The following CTNNA2 variants were observed in gnomAD, a reference collection of about 807,000 sequenced individuals.
CTNNA2 encodes catenin alpha-2.
CTNNA2 carries 42 observed loss-of-function variants against 101.0 expected under a neutral mutation model. That is an observed-to-expected ratio of 0.42 (90% CI 0.32 to 0.54). CTNNA2 has a LOEUF of 0.54. Ranked by LOEUF, CTNNA2 falls within the 20% of genes least tolerant of loss-of-function variation. The pLI is 0.14. For missense variants in CTNNA2, 871 were observed against 1,223.1 expected, an observed-to-expected ratio of 0.71 and a Z score of 4.29; for synonymous variants, 450 against 456.4, an observed-to-expected ratio of 0.99 and a Z score of 0.18.
chr2:79,559,084 T>A (rs1462062307), intron 1 of CTNNA2, among the ~76,000 whole-genome samples: 1 of 151,922 alleles, frequency 6.6e-6, no homozygotes, highest in Non-Finnish European at 1.5e-5. Flanking sequence ...GATGAATGAA[T>A]GCTGAATAAT....
chr2:79,407,691 C>A (rs1353070635), intron 4 of CTNNA2, among the ~76,000 whole-genome samples: 1 of 151,862 alleles, frequency 6.6e-6, no homozygotes, highest in Non-Finnish European at 1.5e-5. Context: ...TAAGGATACA[C>A]CAGATAGTCA....
chr2:80,407,771 C>T (rs1254677088), intron 8 of CTNNA2, among the ~76,000 whole-genome samples: 2 of 152,164 alleles, frequency 1.3e-5, no homozygotes, highest in Non-Finnish European at 2.9e-5. Flanking sequence ...AATCATTGGG[C>T]TTCTATCTGA....
rs149033855 is a variant in CTNNA2, at chr2:79,397,535, C to G, written c.-135+23522C>G. Among the ~76,000 whole-genome samples the G allele has an allele frequency of 1.1e-3, 163 of 152,286 alleles. 1 individual carries two copies. Among genetic ancestry groups the G allele is most frequent in the African/African-American group, 3.8e-3 (159 of 41,578 alleles). ...AGCTTTTTCCCTCATCCTTTCAAAT[C>G]TGAGCATTCCTCAAGATTCATTCTT... On this transcript the variant is annotated intron_variant, in intron 4 of 21. Coordinates refer to the CTNNA2 transcript ENST00000466387.
At chr2:79,663,682 C>T (rs987358057) in intron 2 of CTNNA2, among the ~76,000 whole-genome samples, 5 of 152,104 alleles carry the variant, frequency 3.3e-5, no homozygotes, top group Non-Finnish European at 7.3e-5. Context: ...TATATGTTCT[C>T]TGTGTTTCTT....
intron 9 of CTNNA2, among the ~76,000 whole-genome samples, chr2:80,466,344 G>T (rs1025872191): frequency 6.6e-6 from 1 of 152,104 alleles, no homozygotes; most frequent in Non-Finnish European, 1.5e-5. Flanking sequence ...TACAGAGATT[G>T]TGTCATTCTA....
At chr2:79,211,898 G>A (rs577076688) in intron 2 of CTNNA2, among the ~76,000 whole-genome samples, 133 of 152,296 alleles carry the variant, frequency 8.7e-4, no homozygotes, top group African/African-American at 3.0e-3. Flanking sequence ...GGGGCGGCGC[G>A]GGAACCTAGA....
chr2:80,273,292 C>T (rs1306660006), intron 7 of CTNNA2, among the ~76,000 whole-genome samples: 1 of 152,056 alleles, frequency 6.6e-6, no homozygotes, highest in Non-Finnish European at 1.5e-5. Context: ...AAATCCAATC[C>T]AACAATAAGT....
At chr2:80,075,292 A>G (rs1031826299) in intron 7 of CTNNA2, among the ~76,000 whole-genome samples, 1 of 152,076 alleles carries the variant, frequency 6.6e-6, no homozygotes, top group Non-Finnish European at 1.5e-5. Context: ...TATACACTCT[A>G]TCTCAGCACA....
chr2:80,578,341 C>T (rs1264710933), intron 13 of CTNNA2, among the ~76,000 whole-genome samples: 2 of 152,202 alleles, frequency 1.3e-5, no homozygotes, highest in Admixed American at 6.5e-5. Context: ...TCTCTATCCT[C>T]CAGTACAGCG....
chr2:80,038,450 G>A (rs112696666), intron 7 of CTNNA2, among the ~76,000 whole-genome samples: 75 of 152,276 alleles, frequency 4.9e-4, no homozygotes, highest in African/African-American at 1.8e-3. Flanking sequence ...GCCGGGCGCG[G>A]TGACTCACGC....
intron 7 of CTNNA2, among the ~76,000 whole-genome samples, chr2:80,364,973 G>A (rs1244698983): frequency 6.6e-6 from 1 of 152,070 alleles, no homozygotes; most frequent in African/African-American, 2.4e-5. Flanking sequence ...TCGATTTAGT[G>A]GCATTGGCTA....
chr2:79,192,027 G>A (rs1264857439), intron 1 of CTNNA2, among the ~76,000 whole-genome samples: 2 of 152,058 alleles, frequency 1.3e-5, no homozygotes, highest in Admixed American at 6.6e-5. Flanking sequence ...GAGGGGATCC[G>A]GTCAAGGTGC....
intron 7 of CTNNA2, among the ~76,000 whole-genome samples, chr2:80,376,027 C>T (rs1233263339): frequency 1.3e-5 from 2 of 152,130 alleles, no homozygotes; most frequent in Non-Finnish European, 2.9e-5. Flanking sequence ...TTTGGATCCA[C>T]CACAGCACAC....
At chr2:80,234,262 C>A (rs939388739) in intron 7 of CTNNA2, among the ~76,000 whole-genome samples, 45 of 152,206 alleles carry the variant, frequency 3.0e-4, no homozygotes, top group African/African-American at 1.1e-3. Context: ...AAACTCCTGA[C>A]CTCAAGTGAT....
intron 7 of CTNNA2, among the ~76,000 whole-genome samples, chr2:80,172,200 T>C (rs1705106096): frequency 6.6e-6 from 1 of 152,228 alleles, no homozygotes. Flanking sequence ...ACATGTGTTT[T>C]TTCAGCCCAA....
chr2:79,715,827 A>G (rs1282855386), intron 2 of CTNNA2, among the ~76,000 whole-genome samples: 1 of 149,182 alleles, frequency 6.7e-6, no homozygotes, highest in Non-Finnish European at 1.5e-5. Flanking sequence ...ATCAATATAT[A>G]CTAGGATAGA....
intron 7 of CTNNA2, among the ~76,000 whole-genome samples, chr2:79,912,349 G>C (rs1225468594): frequency 6.6e-6 from 1 of 152,184 alleles, no homozygotes; most frequent in Non-Finnish European, 1.5e-5. Context: ...GATAGAAAAA[G>C]GGTCTTCATG....
At chr2:80,148,474 AG>A (rs1220821405) in intron 7 of CTNNA2, among the ~76,000 whole-genome samples, 3 of 152,230 alleles carry the variant, frequency 2.0e-5, no homozygotes, top group Non-Finnish European at 4.4e-5. Context: ...CTAGGCCTGC[AG>A]GGGCAAACTG....
chr2:80,015,199 T>C (rs1044378490), intron 7 of CTNNA2, among the ~76,000 whole-genome samples: 3 of 152,228 alleles, frequency 2.0e-5, no homozygotes, highest in African/African-American at 7.2e-5. Context: ...CTATGTGTTC[T>C]AGATGAAGCT....
Sources: gnomAD v4.1 joint callset for allele counts (sites outside exome capture counted in the v4.1 genomes callset) on GRCh38, gnomAD v4.1.1 for gene constraint, MANE v1.5 for transcripts, NCBI Gene and HGNC (gene_info 2026-07-23, HGNC 2026-07-21) for gene names.